The following GLG1 variants were observed in gnomAD, a reference collection of about 807,000 sequenced individuals.
GLG1 encodes the protein golgi glycoprotein 1.
A neutral mutation model predicts 160.5 loss-of-function variants in GLG1; 38 were observed. The ratio of observed to expected loss-of-function variants is 0.24; its 90% CI spans 0.18 to 0.31. The LOEUF (loss-of-function observed/expected upper bound fraction) is 0.31, where lower values mean the gene tolerates loss of function less well. Among genes scored for constraint, GLG1 ranks in the 10% least tolerant of loss-of-function variants. GLG1 has a pLI of 1.00. For missense variants in GLG1, 1,373 were observed against 1,505.2 expected (o/e 0.91, Z 1.45); for synonymous variants, 644 against 543.4 (o/e 1.19, Z -2.57).
At chr16:74,537,365 A>C (rs2017714224) in intron 1 of GLG1, among the ~76,000 whole-genome samples, 1 of 152,078 alleles carries the variant, frequency 6.6e-6, no homozygotes, top group Non-Finnish European at 1.5e-5. Context: ...TAAAAAACAA[A>C]ACAAAAAACC....
At chr16:74,551,294 TTTTA>T (rs2018191324) in intron 1 of GLG1, among the ~76,000 whole-genome samples, 3 of 151,996 alleles carry the variant, frequency 2.0e-5, no homozygotes, top group South Asian at 4.2e-4. Context: ...CTATATCTTA[TTTTA>T]TTTATTTATT....
intron 1 of GLG1, among the ~76,000 whole-genome samples, chr16:74,532,553 T>G (rs1414488415): frequency 6.6e-6 from 1 of 152,144 alleles, no homozygotes; most frequent in Non-Finnish European, 1.5e-5. Flanking sequence ...AGACAGGGTC[T>G]CACTCTGTCA....
chr16:74,454,736 T>C (rs1597213176), intron 25 of GLG1, among the ~76,000 whole-genome samples: 2 of 146,382 alleles, frequency 1.4e-5, no homozygotes, highest in African/African-American at 5.0e-5. Flanking sequence ...CTCCCTATGT[T>C]GCCCAAGCTG....
intron 11 of GLG1, among the ~76,000 whole-genome samples, chr16:74,479,209 G>A (rs2015509444): frequency 7.2e-6 from 1 of 139,588 alleles, no homozygotes; most frequent in South Asian, 2.3e-4. Context: ...GGGGTGCAGT[G>A]AGACACATTC....
intron 14 of GLG1, 100 bp downstream of exon 14, chr16:74,472,249 T>G (rs2015234610): frequency 2.5e-6 from 2 of 811,680 alleles, no homozygotes; most frequent in Admixed American, 4.0e-5. Flanking sequence ...CACTCAAGAG[T>G]AATACATGCT....
At chr16:74,470,931 A>G (rs1466064831) in intron 15 of GLG1, among the ~76,000 whole-genome samples, 1 of 151,228 alleles carries the variant, frequency 6.6e-6, no homozygotes, top group Non-Finnish European at 1.5e-5. Flanking sequence ...CTAATTTTGT[A>G]TTTTCAGTAG....
At chr16:74,605,650 C>A (rs983076622) in intron 1 of GLG1, among the ~76,000 whole-genome samples, 1 of 151,788 alleles carries the variant, frequency 6.6e-6, no homozygotes, top group African/African-American at 2.4e-5. Context: ...TACTAGAACA[C>A]GAGATGAAGG....
At chr16:74,583,353 T>A (rs945013583) in intron 1 of GLG1, among the ~76,000 whole-genome samples, 1 of 152,168 alleles carries the variant, frequency 6.6e-6, no homozygotes, top group Non-Finnish European at 1.5e-5. Context: ...TTACATATTT[T>A]TGGAGGTAGT....
At chr16:74,493,669 C>T (rs1158473591) in intron 6 of GLG1, among the ~76,000 whole-genome samples, 1 of 152,058 alleles carries the variant, frequency 6.6e-6, no homozygotes, top group East Asian at 1.9e-4. Context: ...GACAAGATAG[C>T]AAAATTAATT....
intron 25 of GLG1, among the ~76,000 whole-genome samples, chr16:74,455,350 A>G (rs977282918): frequency 6.6e-6 from 1 of 152,128 alleles, no homozygotes; most frequent in Non-Finnish European, 1.5e-5. Flanking sequence ...GATGAATGAG[A>G]TTTGAGCTCC....
chr16:74,552,435 G>A (rs934450510), intron 1 of GLG1: 10 of 538,752 alleles, frequency 1.9e-5, no homozygotes, highest in African/African-American at 7.6e-5. Context: ...ATGAAGGAAC[G>A]GTTTGTCTGG....
intron 1 of GLG1, among the ~76,000 whole-genome samples, chr16:74,541,971 T>G: frequency 6.9e-6 from 1 of 145,030 alleles, no homozygotes; most frequent in African/African-American, 2.6e-5. Flanking sequence ...GCAGGGGAGT[T>G]TAATGATACA....
At chr16:74,595,309 A>G (rs1244938067) in intron 1 of GLG1, among the ~76,000 whole-genome samples, 2 of 151,064 alleles carry the variant, frequency 1.3e-5, no homozygotes, top group African/African-American at 2.4e-5. Flanking sequence ...AGGCCGAGGC[A>G]GGCAGATCAC....
At chr16:74,534,692 T>A (rs2017638427) in intron 1 of GLG1, among the ~76,000 whole-genome samples, 1 of 151,996 alleles carries the variant, frequency 6.6e-6, no homozygotes, top group South Asian at 2.1e-4. Context: ...GGATTTTACA[T>A]CCAGATCCTC....
chr16:74,521,705 C>A (rs1267715061), intron 2 of GLG1, among the ~76,000 whole-genome samples: 2 of 152,132 alleles, frequency 1.3e-5, no homozygotes, highest in Admixed American at 1.3e-4. Context: ...ATGGAAAGGT[C>A]TGGGCTGAAA....
chr16:74,592,106 T>G (rs10400980), intron 1 of GLG1, among the ~76,000 whole-genome samples: 1 of 152,296 alleles, frequency 6.6e-6, no homozygotes, highest in African/African-American at 2.4e-5. Context: ...AGTGCTGGGC[T>G]GTGGGCCACT....
At chr16:74,522,259 T>C (rs1191387473) in intron 2 of GLG1, among the ~76,000 whole-genome samples, 1 of 152,234 alleles carries the variant, frequency 6.6e-6, no homozygotes, top group African/African-American at 2.4e-5. Flanking sequence ...TTGGGCAGAT[T>C]TACAAGTATT....
chr16:74,532,963 A>T (rs904087878), intron 1 of GLG1, among the ~76,000 whole-genome samples: 5 of 152,266 alleles, frequency 3.3e-5, no homozygotes, highest in Non-Finnish European at 7.4e-5. Context: ...TAAAAAAAAC[A>T]TTTGGAAATA....
intron 2 of GLG1, among the ~76,000 whole-genome samples, chr16:74,527,983 C>T (rs1004919546): frequency 4.0e-5 from 6 of 149,796 alleles, no homozygotes; most frequent in African/African-American, 9.8e-5. Flanking sequence ...CTCCCAGGGT[C>T]ACACCATTCT....
Sources: allele counts gnomAD v4.1 joint callset (sites outside exome capture counted in the v4.1 genomes callset), GRCh38; gene constraint gnomAD v4.1.1; transcripts MANE v1.5; gene names NCBI Gene and HGNC (gene_info 2026-07-23, HGNC 2026-07-21).